PCDHGA1: variants seen among roughly 807,000 people sequenced by gnomAD.
The protein encoded by PCDHGA1 is protocadherin gamma-A1.
PCDHGA1 carries 32 observed loss-of-function variants against 58.0 expected under a neutral mutation model. The observed-to-expected ratio is 0.55, with a 90% confidence interval of 0.42 to 0.74. PCDHGA1 has a LOEUF of 0.74. Among genes scored for constraint, PCDHGA1 ranks in the 30% least tolerant of loss-of-function variants. The probability of loss-of-function intolerance (pLI) is 0.00; values close to 1 mark genes in which losing one functional copy is unlikely to be tolerated. For missense variants in PCDHGA1, 1,205 were observed against 1,182.3 expected (o/e 1.02, Z -0.28); for synonymous variants, 498 against 501.1 (o/e 0.99, Z 0.08).
Position 141,427,553 on chromosome 5 carries a change from TG to T in PCDHGA1, c.2422-67253del, listed in dbSNP as rs201716174. ...AGTACAACGTCACCATCACTGCCAC[TG>T]ACAAGGGCAAGCCTCCGCTCTCATC... On this transcript the variant is annotated intron_variant, in intron 1 of 3. Transcript: ENST00000517417. 2.7e-3 allele frequency: 1,760 copies of T among 646,124 alleles called. 23 individuals are homozygous for T. In the African/African-American group the frequency reaches 0.028, roughly 10 times the overall value. 40.0% of individuals were successfully genotyped at this position (646,124 alleles called of 1,614,324 possible).
At chr5:141,350,243 C>T (rs750200716) in intron 1 of PCDHGA1, 1 of 1,505,416 alleles carries the variant, frequency 6.6e-7, no homozygotes, top group Non-Finnish European at 8.9e-7. Flanking sequence ...GAAAGAAGCT[C>T]CGCGGAGAGT....
At chr5:141,501,036 T>C (rs893597004) in intron 2 of PCDHGA1, among the ~76,000 whole-genome samples, 4 of 151,702 alleles carry the variant, frequency 2.6e-5, no homozygotes, top group Non-Finnish European at 4.4e-5. Flanking sequence ...GCCCAGCTAA[T>C]TTTTGTATTT....
At chr5:141,344,776 G>T (rs774225776) in intron 1 of PCDHGA1, 14 of 1,613,948 alleles carry the variant, frequency 8.7e-6, no homozygotes, top group Non-Finnish European at 1.1e-5. Context: ...CCTGAGTACC[G>T]TGTGAGTGTT....
intron 2 of PCDHGA1, among the ~76,000 whole-genome samples, chr5:141,503,570 G>T (rs996006002): frequency 3.4e-4 from 50 of 147,216 alleles, no homozygotes; most frequent in African/African-American, 1.2e-3. Context: ...CTGTACTCCA[G>T]CCTGGGTGAC....
chr5:141,505,645 G>A (rs997169182), intron 3 of PCDHGA1, 164 bp downstream of exon 3: 2 of 964,274 alleles, frequency 2.1e-6, no homozygotes, highest in African/African-American at 1.8e-5. Flanking sequence ...GCCTGGAATT[G>A]TGGCTAAGGA....
At chr5:141,412,876 A>T (rs1206092699) in intron 1 of PCDHGA1, 2 of 281,096 alleles carry the variant, frequency 7.1e-6, no homozygotes, top group Admixed American at 4.9e-5. Flanking sequence ...AAATATAATA[A>T]TCCAACAGAA....
intron 1 of PCDHGA1, chr5:141,390,085 A>C (rs1253804368): frequency 2.5e-6 from 4 of 1,613,916 alleles, no homozygotes. Flanking sequence ...GTTAAATCCG[A>C]ATCCGTGGTT....
intron 1 of PCDHGA1, chr5:141,345,442 C>T (rs756507522): frequency 1.2e-6 from 2 of 1,614,134 alleles, no homozygotes; most frequent in South Asian, 1.1e-5. Flanking sequence ...AGAGGAGCCT[C>T]CATCTTCTCA....
intron 1 of PCDHGA1, chr5:141,403,395 C>T (rs758295115): frequency 3.7e-6 from 6 of 1,614,084 alleles, no homozygotes; most frequent in Admixed American, 3.3e-5. Context: ...ATCGCGGTTC[C>T]TGGAGCACGT....
intron 1 of PCDHGA1, chr5:141,356,555 T>C (rs1760254729): frequency 6.2e-7 from 1 of 1,613,964 alleles, no homozygotes; most frequent in Non-Finnish European, 8.5e-7. Context: ...CCACCCACTT[T>C]CCCTCATGCT....
intron 1 of PCDHGA1, chr5:141,419,810 C>G (rs368168278): frequency 1.7e-5 from 27 of 1,613,946 alleles, no homozygotes; most frequent in Non-Finnish European, 2.1e-5. Context: ...AGATGGAGGA[C>G]AGCCACCCCT....
intron 1 of PCDHGA1, chr5:141,388,760 G>T: frequency 6.2e-7 from 1 of 1,613,930 alleles, no homozygotes; most frequent in Non-Finnish European, 8.5e-7. Flanking sequence ...AATTTGACCT[G>T]AACTCTAACA....
chr5:141,392,298 G>T (rs568188111), intron 1 of PCDHGA1: 3 of 152,090 alleles, frequency 2.0e-5, no homozygotes, highest in African/African-American at 7.2e-5. Flanking sequence ...GGAAATGAAA[G>T]TATCATGTTT....
chr5:141,390,539 A>T (rs774441899), intron 1 of PCDHGA1: 22 of 514,666 alleles, frequency 4.3e-5, no homozygotes, highest in Non-Finnish European at 6.5e-5. Flanking sequence ...TTTTAACCAC[A>T]AAGTGAAAGT....
rs759587995 is a variant in PCDHGA1, at chr5:141,491,802, G to T, written c.2422-3005G>T. On this transcript the variant is annotated intron_variant, in intron 1 of 3. Coordinates refer to ENST00000517417, the MANE Select transcript of PCDHGA1 (RefSeq NM_018912.3). The surrounding 1 kb of genome is among the most constrained non-coding windows in gnomAD (Gnocchi z 6.9). ...ACTTGCATCCACTCCTCTCCGGCCGGCTTGGTCGCTGGCTGCGCTCCACCC... is the reference window on the plus strand; with the variant it reads ...ACTTGCATCCACTCCTCTCCGGCCGTCTTGGTCGCTGGCTGCGCTCCACCC... 1 of 1,497,480 alleles carries T rather than the reference G, an allele frequency of 6.7e-7. No individual in the cohort carries two copies. Among genetic ancestry groups the T allele is most frequent in the East Asian group, 2.5e-5 (1 of 40,518 alleles). The allele number at this position is 1,497,480 out of a possible 1,614,324, so 92.8% of individuals were successfully genotyped here. A position where few individuals can be genotyped will look rare whatever the true frequency, so the allele number is the denominator to read the frequency against.
rs576464275 is a variant in PCDHGA1, at chr5:141,448,784, CA to C, written c.2422-46012del. ...TGAAACCCCGTCTGTACTAAAAATA[CA>C]AAAAAAAAAATTAGCCAGGCGTGAT... On this transcript the variant is annotated intron_variant, in intron 1 of 3. Coordinates refer to ENST00000517417, the MANE Select transcript of PCDHGA1 (RefSeq NM_018912.3). Among the ~76,000 whole-genome samples, 323 of 145,522 alleles carry C rather than the reference CA, an allele frequency of 2.2e-3. 2 individuals are homozygous for C. The highest frequency in any genetic ancestry group is 5.9e-3 in the African/African-American group (238 of 40,012).
chr5:141,365,052 T>A, intron 1 of PCDHGA1: 2 of 1,613,872 alleles, frequency 1.2e-6, no homozygotes, highest in Non-Finnish European at 1.7e-6. Context: ...AATGCGCCCC[T>A]GTTCACCCCA....
At chr5:141,458,103 T>TA (rs1401283935) in intron 1 of PCDHGA1, among the ~76,000 whole-genome samples, 2 of 152,212 alleles carry the variant, frequency 1.3e-5, no homozygotes, top group Non-Finnish European at 2.9e-5. Context: ...TACTTACAGA[T>TA]AGTCTCCAAA....
At chr5:141,499,451 T>A (rs1378621877) in intron 2 of PCDHGA1, among the ~76,000 whole-genome samples, 3 of 152,130 alleles carry the variant, frequency 2.0e-5, no homozygotes, top group Non-Finnish European at 4.4e-5. Flanking sequence ...AAACCACCCA[T>A]CATTTTACAA....
Sources: allele counts gnomAD v4.1 joint callset (sites outside exome capture counted in the v4.1 genomes callset), GRCh38; gene constraint gnomAD v4.1.1; non-coding constraint Gnocchi (gnomAD v3.1); transcripts MANE v1.5; gene names NCBI Gene and HGNC (gene_info 2026-07-23, HGNC 2026-07-21).